ARPP21: variants seen among roughly 807,000 people sequenced by gnomAD.
The protein encoded by ARPP21 is cAMP regulated phosphoprotein 21, also known as cAMP-regulated phosphoprotein 21.
ARPP21 carries 69 observed loss-of-function variants against 113.2 expected under a neutral mutation model. That is an observed-to-expected ratio of 0.61 (90% CI 0.50 to 0.74). The LOEUF (loss-of-function observed/expected upper bound fraction) is 0.74. Ranked by LOEUF, ARPP21 falls within the 30% of genes least tolerant of loss-of-function variation. The probability of loss-of-function intolerance (pLI) is 0.00; values close to 1 mark genes in which losing one functional copy is unlikely to be tolerated. For missense variants in ARPP21, 1,070 were observed against 1,037.4 expected (o/e 1.03, Z -0.43); for synonymous variants, 368 against 375.5 (o/e 0.98, Z 0.23).
intron 19 of ARPP21, among the ~76,000 whole-genome samples, chr3:35,790,504 T>C (rs987950098): frequency 2.0e-5 from 3 of 152,202 alleles, no homozygotes; most frequent in Non-Finnish European, 4.4e-5. Context: ...TCGGAAACAA[T>C]TTTCTGCAAT....
chr3:35,639,083 G>C (rs374192292), upstream of ARPP21: 3 of 152,462 alleles, frequency 2.0e-5, no homozygotes, highest in Admixed American at 6.5e-5. This position sits in a 1 kb window ranked among gnomAD's most constrained non-coding sequence, Gnocchi z 5.0. Context: ...ATGCCTGCTC[G>C]CTGGGAGCAG....
intron 19 of ARPP21, among the ~76,000 whole-genome samples, chr3:35,772,983 A>G (rs1007744198): frequency 1.3e-5 from 2 of 152,118 alleles, no homozygotes; most frequent in African/African-American, 4.8e-5. Flanking sequence ...TTTTTATCAA[A>G]GTGAGATAAA....
chr3:35,643,683 T>A (rs935612446), intron 1 of ARPP21: 2 of 152,002 alleles, frequency 1.3e-5, no homozygotes, highest in Non-Finnish European at 2.9e-5. Context: ...GAGGAGACAG[T>A]TTGAAGTCCA....
chr3:35,715,159 G>A, intron 11 of ARPP21: 1 of 305,028 alleles, frequency 3.3e-6, no homozygotes, highest in Non-Finnish European at 6.2e-6. Flanking sequence ...CGTTTCTCCA[G>A]CTGTTTCATT....
chr3:35,646,886 A>G (rs1474408952), intron 1 of ARPP21, among the ~76,000 whole-genome samples: 1 of 152,218 alleles, frequency 6.6e-6, no homozygotes, highest in Non-Finnish European at 1.5e-5. Flanking sequence ...TTCACAGCAA[A>G]GAACTAGCTG....
intron 9 of ARPP21, among the ~76,000 whole-genome samples, chr3:35,691,397 G>C (rs1319442317): frequency 1.3e-5 from 2 of 151,624 alleles, no homozygotes; most frequent in East Asian, 3.9e-4. Flanking sequence ...TCTTTCTTCT[G>C]CTTTTTTAGA....
chr3:35,748,167 C>CAGAAA (rs1391752947), intron 19 of ARPP21, among the ~76,000 whole-genome samples: 2 of 41,042 alleles, frequency 4.9e-5, no homozygotes, highest in Admixed American at 6.4e-4. Context: ...AAGAACAGAA[C>CAGAAA]AGAAAAGAAA....
At chr3:35,683,034 T>C in intron 4 of ARPP21, 145 bp downstream of exon 4, 1 of 706,592 alleles carries the variant, frequency 1.4e-6, no homozygotes, top group Non-Finnish European at 2.3e-6. Flanking sequence ...CTGGCTGTTT[T>C]TGATGGGGTT....
At chr3:35,747,773 T>C (rs2095161425) in intron 19 of ARPP21, among the ~76,000 whole-genome samples, 1 of 151,956 alleles carries the variant, frequency 6.6e-6, no homozygotes, top group African/African-American at 2.4e-5. Context: ...TAGTGTCCAG[T>C]TCACTTTATA....
At chr3:35,785,921 AGCG>A (rs1434653783) in intron 19 of ARPP21, among the ~76,000 whole-genome samples, 4 of 152,184 alleles carry the variant, frequency 2.6e-5, no homozygotes, top group Non-Finnish European at 5.9e-5. Flanking sequence ...AATTAAAACC[AGCG>A]AGTAATAAAT....
intron 19 of ARPP21, among the ~76,000 whole-genome samples, chr3:35,791,802 C>T (rs1357837756): frequency 6.6e-6 from 1 of 152,122 alleles, no homozygotes; most frequent in South Asian, 2.1e-4. Context: ...TCACATGCGT[C>T]CCACTTGCTG....
chr3:35,714,002 A>C (rs1364733595), intron 11 of ARPP21, among the ~76,000 whole-genome samples: 1 of 152,192 alleles, frequency 6.6e-6, no homozygotes, highest in Non-Finnish European at 1.5e-5. Context: ...ATTAAAGGAA[A>C]TAAAAGAAGT....
At chr3:35,769,102 A>G (rs2096097235) in intron 19 of ARPP21, among the ~76,000 whole-genome samples, 1 of 152,210 alleles carries the variant, frequency 6.6e-6, no homozygotes, top group African/African-American at 2.4e-5. Context: ...ATGTGTATAT[A>G]CATGATTATA....
chr3:35,759,676 CTGTG>C (rs57456659), intron 19 of ARPP21, among the ~76,000 whole-genome samples: 2,530 of 140,870 alleles, frequency 0.018, 26 homozygotes, highest in Non-Finnish European at 0.028. Flanking sequence ...TTTTCTCTCT[CTGTG>C]TGTGTGTGTG....
chr3:35,771,610 T>A (rs796591688), intron 19 of ARPP21, among the ~76,000 whole-genome samples: 12 of 152,304 alleles, frequency 7.9e-5, no homozygotes, highest in African/African-American at 2.9e-4. Context: ...ATTACAGGCA[T>A]GAGCCACCGT....
At chr3:35,717,214 G>T in intron 12 of ARPP21, 84 bp from the exon 13 acceptor site, 3 of 764,024 alleles carry the variant, frequency 3.9e-6, no homozygotes, top group Non-Finnish European at 7.0e-6. Context: ...GATTTGTGCT[G>T]TAGTAGAGTA....
intron 19 of ARPP21, among the ~76,000 whole-genome samples, chr3:35,761,978 C>T (rs1410897360): frequency 6.6e-6 from 1 of 152,004 alleles, no homozygotes; most frequent in Non-Finnish European, 1.5e-5. Flanking sequence ...ATCCATGAGT[C>T]CATTCAGACC....
intron 19 of ARPP21, among the ~76,000 whole-genome samples, chr3:35,752,999 A>G (rs1274990627): frequency 6.6e-6 from 1 of 151,626 alleles, no homozygotes; most frequent in Non-Finnish European, 1.5e-5. Flanking sequence ...TCATAAATGC[A>G]TGAATAACAT....
At chr3:35,710,132 C>T (rs991782537) in intron 11 of ARPP21, among the ~76,000 whole-genome samples, 5 of 152,124 alleles carry the variant, frequency 3.3e-5, no homozygotes, top group Non-Finnish European at 5.9e-5. Context: ...CCCCCGCCAC[C>T]TTTCTTGAAC....
Sources: gnomAD v4.1 joint callset for allele counts (sites outside exome capture counted in the v4.1 genomes callset) on GRCh38, gnomAD v4.1.1 for gene constraint, Gnocchi (gnomAD v3.1) non-coding constraint, MANE v1.5 for transcripts, NCBI Gene and HGNC (gene_info 2026-07-23, HGNC 2026-07-21) for gene names.